Variants in EPHX1 observed in about 807,000 individuals in gnomAD.
EPHX1 encodes epoxide hydratase.
In EPHX1, 40 loss-of-function variants were observed where a neutral mutation model predicts 43.2. That is an observed-to-expected ratio of 0.93 (90% CI 0.72 to 1.21). EPHX1 has a LOEUF of 1.21. Ranked by LOEUF, EPHX1 falls within the 50% of genes most tolerant of loss-of-function variation. The pLI, the probability that EPHX1 is intolerant of heterozygous loss-of-function variation, is 0.00. For missense variants in EPHX1, 550 were observed against 570.4 expected, an observed-to-expected ratio of 0.96 and a Z score of 0.36; for synonymous variants, 221 against 226.7, an observed-to-expected ratio of 0.98 and a Z score of 0.22.
intron 4 of EPHX1, among the ~76,000 whole-genome samples, 163 bp from the exon 5 acceptor site, chr1:225,839,054 C>G (rs1432787714): frequency 6.6e-6 from 1 of 152,190 alleles, no homozygotes; most frequent in Admixed American, 6.5e-5. Flanking sequence ...GCTGGAGATG[C>G]CACCCCTATA....
chr1:225,844,242 G>A (rs1477998262), intron 7 of EPHX1, among the ~76,000 whole-genome samples: 1 of 151,970 alleles, frequency 6.6e-6, no homozygotes, highest in Admixed American at 6.6e-5. Context: ...AGGAGAGAGG[G>A]GACAGGTGTG....
chr1:225,828,340 C>T (rs540780094), intron 1 of EPHX1, among the ~76,000 whole-genome samples: 6 of 150,316 alleles, frequency 4.0e-5, no homozygotes, highest in African/African-American at 1.2e-4. Flanking sequence ...GAAACTCCAT[C>T]TCAAAAAAAA....
intron 1 of EPHX1, chr1:225,810,664 C>G (rs12025850): frequency 6.7e-6 from 1 of 149,656 alleles, no homozygotes; most frequent in African/African-American, 2.5e-5. Context: ...GGGCTGAGTC[C>G]GAAAAGAGTC....
chr1:225,845,002 G>A, intron 8 of EPHX1, 144 bp from the exon 9 acceptor site: 1 of 921,932 alleles, frequency 1.1e-6, no homozygotes, highest in Non-Finnish European at 1.7e-6. Context: ...GAGAGCGGTT[G>A]AGACCCTGGA....
chr1:225,842,782 G>T (rs1262774398), intron 7 of EPHX1, among the ~76,000 whole-genome samples: 2 of 152,216 alleles, frequency 1.3e-5, no homozygotes, highest in African/African-American at 4.8e-5. Flanking sequence ...CCACATTATT[G>T]TCAAGAGCAC....
intron 2 of EPHX1, among the ~76,000 whole-genome samples, chr1:225,829,441 A>G (rs560075694): frequency 2.6e-5 from 4 of 152,336 alleles, no homozygotes; most frequent in Admixed American, 2.6e-4. Flanking sequence ...CAACTCGTTC[A>G]AGGCGGCCTA....
chr1:225,831,574 G>A (rs978164097), intron 2 of EPHX1, among the ~76,000 whole-genome samples: 1 of 151,594 alleles, frequency 6.6e-6, no homozygotes, highest in Non-Finnish European at 1.5e-5. Flanking sequence ...AAAGAAAAAA[G>A]AAATGCGAAG....
intron 1 of EPHX1, among the ~76,000 whole-genome samples, chr1:225,823,930 T>C (rs1228100899): frequency 1.3e-5 from 2 of 152,104 alleles, no homozygotes; most frequent in Non-Finnish European, 2.9e-5. Context: ...GCCTTTGCTT[T>C]CCCCTTACTC....
At chr1:225,833,947 A>G (rs1667786869) in intron 3 of EPHX1, among the ~76,000 whole-genome samples, 1 of 149,382 alleles carries the variant, frequency 6.7e-6, no homozygotes. Context: ...AAATACAAAA[A>G]ATTAGCCGGG....
intron 6 of EPHX1, among the ~76,000 whole-genome samples, chr1:225,841,626 G>A (rs536993782): frequency 8.8e-5 from 9 of 101,810 alleles, no homozygotes; most frequent in Admixed American, 5.5e-4. Flanking sequence ...TTTTGAGACA[G>A]AGTCTTGCTC....
intron 1 of EPHX1, among the ~76,000 whole-genome samples, chr1:225,824,595 G>A (rs149931299): frequency 1.5e-3 from 235 of 152,342 alleles, no homozygotes; most frequent in Middle Eastern, 3.4e-3. Context: ...TCGCCAGGCG[G>A]CTTTATTTGG....
intron 1 of EPHX1, among the ~76,000 whole-genome samples, chr1:225,826,412 G>A (rs1295718011): frequency 1.6e-5 from 2 of 128,830 alleles, no homozygotes; most frequent in Non-Finnish European, 3.1e-5. Context: ...GCAGTGAGCC[G>A]AGATCGCACC....
chr1:225,824,689 G>A (rs550220439), intron 1 of EPHX1, among the ~76,000 whole-genome samples: 1 of 152,244 alleles, frequency 6.6e-6, no homozygotes, highest in African/African-American at 2.4e-5. Flanking sequence ...AGACGGGGGG[G>A]TGTGGAGCCG....
chr1:225,831,547 A>C (rs1029903851), intron 2 of EPHX1, among the ~76,000 whole-genome samples: 9 of 55,580 alleles, frequency 1.6e-4, no homozygotes, highest in Non-Finnish European at 3.8e-4. Flanking sequence ...ACCCTATCTC[A>C]AAAAAAAAAA....
chr1:225,825,604 A>G (rs1265704722), intron 1 of EPHX1: 1 of 152,242 alleles, frequency 6.6e-6, no homozygotes, highest in African/African-American at 2.4e-5. Context: ...TTGTTCTAAT[A>G]TTATGCTCGC....
intron 2 of EPHX1, 79 bp from the exon 3 acceptor site, chr1:225,831,700 T>C (rs767311828): frequency 2.6e-5 from 38 of 1,454,036 alleles, no homozygotes; most frequent in Admixed American, 1.5e-4. Flanking sequence ...GGGTTTGCTG[T>C]GTTTTCTGGA....
chr1:225,831,551 AAAAAAAAAG>A (rs1265732047), intron 2 of EPHX1, among the ~76,000 whole-genome samples: 1 of 100,786 alleles, frequency 9.9e-6, no homozygotes, highest in African/African-American at 3.4e-5. Context: ...TATCTCAAAA[AAAAAAAAAG>A]AAAAAAGAAA....
intron 5 of EPHX1, 102 bp downstream of exon 5, chr1:225,839,448 A>C (rs1368943180): frequency 1.2e-5 from 19 of 1,552,562 alleles, no homozygotes; most frequent in Non-Finnish European, 1.6e-5. Flanking sequence ...AGGACCCCCC[A>C]GGGGAGAGGA....
intron 1 of EPHX1, among the ~76,000 whole-genome samples, chr1:225,816,028 C>T (rs1666710030): frequency 6.6e-6 from 1 of 152,216 alleles, no homozygotes; most frequent in South Asian, 2.1e-4. Flanking sequence ...CATGGTGGCT[C>T]ATGCCTGTAA....
Sources: allele counts gnomAD v4.1 joint callset (sites outside exome capture counted in the v4.1 genomes callset), GRCh38; gene constraint gnomAD v4.1.1; transcripts MANE v1.5; gene names NCBI Gene and HGNC (gene_info 2026-07-23, HGNC 2026-07-21).